Variants in CDK17 observed in about 807,000 individuals in gnomAD.
CDK17 encodes cyclin-dependent kinase 17.
In CDK17, 24 loss-of-function variants were observed where a neutral mutation model predicts 77.6. That is an observed-to-expected ratio of 0.31 (90% CI 0.22 to 0.44). The LOEUF is 0.44. Ranked by LOEUF, CDK17 falls within the 20% of genes least tolerant of loss-of-function variation. The pLI is 1.00. For missense variants in CDK17, 429 were observed against 622.5 expected, an observed-to-expected ratio of 0.69 and a Z score of 3.31; for synonymous variants, 203 against 210.4, an observed-to-expected ratio of 0.96 and a Z score of 0.30.
intron 1 of CDK17, among the ~76,000 whole-genome samples, chr12:96,372,011 T>G (rs12831701): frequency 0.1 from 958 of 9,154 alleles, 14 homozygotes; most frequent in African/African-American, 0.23. Context: ...GAGTGTGTGT[T>G]TGTGTGTGTG....
At position 96,297,349 on chromosome 12, in the gene CDK17, C is replaced by A. The variant is rs1345200108; in HGVS notation, c.811-17G>T. The A allele has an allele frequency of 3.2e-6, 5 of 1,546,052 alleles. No homozygotes were observed. The African/African-American group carries it at 6.8e-5, about 21-fold the overall frequency. On this transcript the variant is annotated splice_polypyrimidine_tract_variant and intron_variant, in intron 8 of 16. Coordinates refer to ENST00000261211, the MANE Select transcript of CDK17 (RefSeq NM_002595.5). ...GTCTTTATCCTGGAAAAACACAGCA[C>A]TCTGCTATGTGATACACCATTTTCA...
At chr12:96,365,787 A>G (rs1953574677) in intron 1 of CDK17, among the ~76,000 whole-genome samples, 1 of 152,242 alleles carries the variant, frequency 6.6e-6, no homozygotes, top group African/African-American at 2.4e-5. Flanking sequence ...TGCACCTATC[A>G]TCCCAGCTAC....
chr12:96,311,767 G>A (rs756380532), intron 4 of CDK17, among the ~76,000 whole-genome samples: 4 of 151,590 alleles, frequency 2.6e-5, no homozygotes, highest in African/African-American at 7.3e-5. Context: ...AATATTTACT[G>A]AGAAATATAA....
chr12:96,386,871 T>A (rs1953985035), intron 1 of CDK17: 1 of 191,360 alleles, frequency 5.2e-6, no homozygotes, highest in Non-Finnish European at 1.2e-5. Context: ...CATGGCCATG[T>A]ACTCTTCCTC....
intron 1 of CDK17, among the ~76,000 whole-genome samples, chr12:96,379,158 G>A (rs1953835170): frequency 6.6e-6 from 1 of 152,120 alleles, no homozygotes; most frequent in South Asian, 2.1e-4. Flanking sequence ...TTAGTAAAAT[G>A]GAGGTATTTC....
intron 1 of CDK17, among the ~76,000 whole-genome samples, chr12:96,337,132 C>A (rs905057303): frequency 3.9e-5 from 6 of 152,114 alleles, no homozygotes; most frequent in Admixed American, 2.0e-4. Flanking sequence ...TGGGACTGAG[C>A]TGACTTGAGA....
intron 14 of CDK17, among the ~76,000 whole-genome samples, chr12:96,283,102 C>A (rs1952197772): frequency 1.3e-5 from 2 of 152,080 alleles, no homozygotes; most frequent in African/African-American, 4.8e-5. Flanking sequence ...ATTCTGCTCC[C>A]CAATTCCCAG....
In CDK17 at chr12:96,400,318, C is replaced by A; in HGVS notation, c.-362G>T. 2.6e-6 allele frequency: 1 copy of A among 388,734 alleles called. No homozygotes were observed. The highest frequency in any genetic ancestry group is 1.3e-4 in the South Asian group (1 of 7,608). 24.1% of individuals were successfully genotyped at this position (388,734 alleles called of 1,614,324 possible). On this transcript the variant is annotated 5_prime_UTR_variant, in exon 1 of 17. Coordinates refer to ENST00000261211, the MANE Select transcript of CDK17 (RefSeq NM_002595.5). Reference sequence around the variant, plus strand: ...GGCGCCGACGGCGGGCTGAGACTGTCTGGCCGGGCGCTGGCTCCTTCTCCG... The same window carrying A: ...GGCGCCGACGGCGGGCTGAGACTGTATGGCCGGGCGCTGGCTCCTTCTCCG...
intron 13 of CDK17, 21 bp from the exon 14 acceptor site, chr12:96,283,666 G>A: frequency 1.3e-6 from 2 of 1,559,910 alleles, no homozygotes; most frequent in Non-Finnish European, 1.8e-6. Flanking sequence ...CAAAGAACAA[G>A]TAAAAATTTA....
chr12:96,381,890 G>A (rs1415875956), intron 1 of CDK17, among the ~76,000 whole-genome samples: 1 of 151,932 alleles, frequency 6.6e-6, no homozygotes, highest in African/African-American at 2.4e-5. Context: ...GGATAATGGG[G>A]GTGGGAGGAG....
At chr12:96,396,811 A>C (rs971622199) in intron 1 of CDK17, among the ~76,000 whole-genome samples, 9 of 152,230 alleles carry the variant, frequency 5.9e-5, no homozygotes, top group African/African-American at 2.2e-4. Context: ...CATCCTGGAA[A>C]TCTAAATGCC....
intron 1 of CDK17, among the ~76,000 whole-genome samples, chr12:96,369,065 G>A (rs1279850478): frequency 6.6e-6 from 1 of 151,898 alleles, no homozygotes; most frequent in Non-Finnish European, 1.5e-5. Flanking sequence ...GCCTGTGATA[G>A]GTGTATTCAC....
chr12:96,302,644 T>A (rs1387562313), intron 5 of CDK17, among the ~76,000 whole-genome samples: 1 of 152,130 alleles, frequency 6.6e-6, no homozygotes, highest in Non-Finnish European at 1.5e-5. Context: ...AGCTAGGCAT[T>A]TTTTCTTCTC....
At position 96,289,219 on chromosome 12, in the gene CDK17, G is replaced by T. The variant is rs530451291; in HGVS notation, c.1066C>A (p.Pro356Thr). The change falls in exon 11 of 17, where the codon CCA becomes ACA. Residue 356 changes from proline to threonine, a missense_variant. Pro to Thr is a conservative substitution (Grantham distance 38). Coordinates refer to ENST00000261211, the MANE Select transcript of CDK17 (RefSeq NM_002595.5). Reference sequence around the variant, plus strand: ...GAGGAACCAAGAAGCACATCAGGTGGCCGGTACCATAGTGTGACAACTTCA... The same window carrying T: ...GAGGAACCAAGAAGCACATCAGGTGTCCGGTACCATAGTGTGACAACTTCA... ...SNEVVTLWYR[P>T]PDVLLGSSEY... The T allele has an allele frequency of 6.2e-7, 1 of 1,613,946 alleles. No homozygotes were observed. Among genetic ancestry groups the T allele is most frequent in the African/African-American group, 1.3e-5 (1 of 74,998 alleles).
At chr12:96,351,163 TATCA>T (rs1953305791) in intron 1 of CDK17, among the ~76,000 whole-genome samples, 2 of 152,160 alleles carry the variant, frequency 1.3e-5, no homozygotes, top group Admixed American at 6.5e-5. Context: ...GGATGGCTAC[TATCA>T]AACAGAAAGC....
chr12:96,381,057 A>C (rs1221909519), intron 1 of CDK17, among the ~76,000 whole-genome samples: 1 of 152,116 alleles, frequency 6.6e-6, no homozygotes, highest in East Asian at 1.9e-4. Flanking sequence ...CGTCATGTTA[A>C]TCCTAAATTC....
chr12:96,358,003 T>C lies in CDK17; in HGVS notation c.-29-23138A>G, dbSNP rs189727806. Among the ~76,000 whole-genome samples, 21 of 152,238 alleles carry C rather than the reference T, an allele frequency of 1.4e-4. No individual in the cohort carries two copies. In the East Asian group the frequency reaches 3.9e-3, roughly 28 times the overall value. On this transcript the variant is annotated intron_variant, in intron 1 of 16. Coordinates refer to ENST00000261211, the MANE Select transcript of CDK17 (RefSeq NM_002595.5). ...GTTATTATACAGCAGTAAAAATGAATGAACTACAACCACATGCAACAAGGA... is the reference window on the plus strand; with the variant it reads ...GTTATTATACAGCAGTAAAAATGAACGAACTACAACCACATGCAACAAGGA...
intron 4 of CDK17, 89 bp from the exon 5 acceptor site, chr12:96,311,266 ATAAG>A (rs1952642546): frequency 2.7e-6 from 3 of 1,116,374 alleles, no homozygotes; most frequent in Non-Finnish European, 3.7e-6. Flanking sequence ...TTTCTTAGTG[ATAAG>A]TAATTGTAAA....
At chr12:96,387,225 T>C (rs567034540) in intron 1 of CDK17, 11 of 243,018 alleles carry the variant, frequency 4.5e-5, no homozygotes, top group Admixed American at 2.9e-4. Flanking sequence ...TTGGGTCCAA[T>C]AGCACACAGC....
Sources: gnomAD v4.1 joint callset for allele counts (sites outside exome capture counted in the v4.1 genomes callset) on GRCh38, gnomAD v4.1.1 for gene constraint, MANE v1.5 for transcripts, NCBI Gene and HGNC (gene_info 2026-07-23, HGNC 2026-07-21) for gene names.